TBC1D32: variants seen among roughly 807,000 people sequenced by gnomAD.
The protein encoded by TBC1D32 is protein broad-minded.
A neutral mutation model predicts 170.3 loss-of-function variants in TBC1D32; 151 were observed. That is an observed-to-expected ratio of 0.89 (90% CI 0.78 to 1.01). The LOEUF (loss-of-function observed/expected upper bound fraction) is 1.01, where lower values mean the gene tolerates loss of function less well. Among genes scored for constraint, TBC1D32 ranks in the 50% least tolerant of loss-of-function variants. The probability of loss-of-function intolerance (pLI) is 0.00; values close to 1 mark genes in which losing one functional copy is unlikely to be tolerated. For missense variants in TBC1D32, 1,464 were observed against 1,457.1 expected, an observed-to-expected ratio of 1.00 and a Z score of -0.08; for synonymous variants, 498 against 488.0, an observed-to-expected ratio of 1.02 and a Z score of -0.27.
intron 24 of TBC1D32, among the ~76,000 whole-genome samples, chr6:121,146,047 G>A (rs1468103463): frequency 2.6e-5 from 4 of 152,134 alleles, no homozygotes; most frequent in Non-Finnish European, 2.9e-5. Flanking sequence ...TCAAAAGTGA[G>A]GCAATGCTAG....
chr6:121,185,583 C>T (rs970830769), intron 22 of TBC1D32, among the ~76,000 whole-genome samples: 1 of 152,038 alleles, frequency 6.6e-6, no homozygotes, highest in Non-Finnish European at 1.5e-5. Flanking sequence ...CAGAGACCAA[C>T]CCTGGACTCA....
At chr6:121,152,165 C>T (rs946379288) in intron 24 of TBC1D32, among the ~76,000 whole-genome samples, 1 of 152,112 alleles carries the variant, frequency 6.6e-6, no homozygotes, top group African/African-American at 2.4e-5. Flanking sequence ...ATATTTAGTG[C>T]TTTCTTCAGG....
chr6:121,317,715 A>G, intron 2 of TBC1D32, 43 bp from the exon 3 acceptor site: 6 of 1,400,406 alleles, frequency 4.3e-6, no homozygotes, highest in South Asian at 1.4e-5. Flanking sequence ...GACGATCAGA[A>G]ATTAAAACAG....
intron 3 of TBC1D32, among the ~76,000 whole-genome samples, chr6:121,316,995 T>G (rs1445639261): frequency 6.6e-6 from 1 of 152,120 alleles, no homozygotes; most frequent in Non-Finnish European, 1.5e-5. Flanking sequence ...TTAACTTTGC[T>G]GCAGCCAAAT....
chr6:121,324,593 A>G (rs1056695202), intron 1 of TBC1D32, among the ~76,000 whole-genome samples: 1 of 152,220 alleles, frequency 6.6e-6, no homozygotes, highest in Non-Finnish European at 1.5e-5. Flanking sequence ...AACAGCCTCT[A>G]ATCATCATGT....
rs1395358424 is a variant in TBC1D32, at chr6:121,310,772, A to C, written c.564+7T>G. On this transcript the variant is annotated splice_region_variant and intron_variant, in intron 4 of 31. Coordinates refer to ENST00000398212, the MANE Select transcript of TBC1D32 (RefSeq NM_152730.6). ...GCATGAACTTGACAGCTATCCTTGAAACTTACCTCTTTAGGTTGCCCAGGA... is the reference window on the plus strand; with the variant it reads ...GCATGAACTTGACAGCTATCCTTGACACTTACCTCTTTAGGTTGCCCAGGA... 6.5e-6 allele frequency: 10 copies of C among 1,534,082 alleles called. No homozygotes were observed. The highest frequency in any genetic ancestry group is 1.4e-5 in the African/African-American group (1 of 72,820).
intron 22 of TBC1D32, among the ~76,000 whole-genome samples, chr6:121,162,782 A>G (rs7763298): frequency 0.86 from 108,761 of 126,896 alleles, 48,849 homozygotes; most frequent in Non-Finnish European, 0.98. Context: ...CGCAGAAAAC[A>G]GGTGATTTCT....
At chr6:121,223,486 A>T in intron 20 of TBC1D32, 134 bp from the exon 21 acceptor site, 1 of 675,682 alleles carries the variant, frequency 1.5e-6, no homozygotes, top group African/African-American at 1.9e-5. Flanking sequence ...CATACGTTTG[A>T]AATATGTACA....
intron 22 of TBC1D32, 47 bp from the exon 23 acceptor site, chr6:121,161,103 G>T: frequency 7.2e-7 from 1 of 1,385,870 alleles, no homozygotes; most frequent in Non-Finnish European, 1.0e-6. Context: ...GATTGAATAT[G>T]TGTTAATTTT....
At chr6:121,194,259 G>A (rs1361301238) in intron 22 of TBC1D32, among the ~76,000 whole-genome samples, 1 of 152,188 alleles carries the variant, frequency 6.6e-6, no homozygotes, top group African/African-American at 2.4e-5. Context: ...GACATACTTA[G>A]AAGCTGGCAG....
rs756659380 is a variant in TBC1D32 at position 121,141,696 on chromosome 6, C to T, written c.2774-9944G>A. On this transcript the variant is annotated intron_variant, in intron 24 of 31. Coordinates refer to ENST00000398212, the MANE Select transcript of TBC1D32 (RefSeq NM_152730.6). The stretch of plus-strand genomic sequence containing the variant: ...AAACATAGATTATCATATAATCCAG[C>T]GACTCCAATCCTAGGTATACTGAAG... 7.1e-4 allele frequency among the ~76,000 whole-genome samples: 108 copies of T among 151,954 alleles called. 1 individual carries two copies. The highest frequency in any genetic ancestry group is 1.3e-3 in the Non-Finnish European group (89 of 67,998).
At chr6:121,097,982 G>C (rs950293748) in intron 30 of TBC1D32, among the ~76,000 whole-genome samples, 7 of 151,836 alleles carry the variant, frequency 4.6e-5, no homozygotes, top group Admixed American at 2.0e-4. Flanking sequence ...ACTCATAAGT[G>C]GGAGGTGAAC....
intron 25 of TBC1D32, 24 bp downstream of exon 25, chr6:121,131,603 C>T (rs1433930202): frequency 2.5e-6 from 4 of 1,587,190 alleles, no homozygotes; most frequent in Non-Finnish European, 3.4e-6. Context: ...ATAAGAAAAC[C>T]CACAATGGAA....
At chr6:121,243,052 G>A (rs114811454) in intron 17 of TBC1D32, among the ~76,000 whole-genome samples, 1 of 151,366 alleles carries the variant, frequency 6.6e-6, no homozygotes, top group Non-Finnish European at 1.5e-5. Context: ...TTAAAAAATG[G>A]AAATACAACT....
At chr6:121,181,469 T>C (rs1373323475) in intron 22 of TBC1D32, among the ~76,000 whole-genome samples, 2 of 152,126 alleles carry the variant, frequency 1.3e-5, no homozygotes, top group Non-Finnish European at 2.9e-5. Flanking sequence ...TGATTGTAGA[T>C]TTCCTGAGGC....
chr6:121,144,376 T>G (rs1783159169), intron 24 of TBC1D32, among the ~76,000 whole-genome samples: 1 of 152,146 alleles, frequency 6.6e-6, no homozygotes, highest in Admixed American at 6.5e-5. Flanking sequence ...ACTAAACACT[T>G]GGCAGGACAT....
At chr6:121,089,892 G>A (rs1776630823) in intron 31 of TBC1D32, among the ~76,000 whole-genome samples, 1 of 151,822 alleles carries the variant, frequency 6.6e-6, no homozygotes, top group Admixed American at 6.6e-5. Context: ...CCTGTGGGAT[G>A]GCAAAGGTAG....
intron 22 of TBC1D32, among the ~76,000 whole-genome samples, chr6:121,187,329 A>G (rs1055836115): frequency 8.5e-5 from 13 of 152,106 alleles, no homozygotes; most frequent in Non-Finnish European, 1.8e-4. Flanking sequence ...TAAGTCTTAT[A>G]ATTGGAACTA....
intron 1 of TBC1D32, among the ~76,000 whole-genome samples, chr6:121,331,247 C>T (rs1388554656): frequency 6.6e-6 from 1 of 152,106 alleles, no homozygotes; most frequent in Non-Finnish European, 1.5e-5. Flanking sequence ...CTCTCTCTGT[C>T]ACCCAGGCTG....
Sources: gnomAD v4.1 joint callset for allele counts (sites outside exome capture counted in the v4.1 genomes callset) on GRCh38, gnomAD v4.1.1 for gene constraint, MANE v1.5 for transcripts, NCBI Gene and HGNC (gene_info 2026-07-23, HGNC 2026-07-21) for gene names.